HAPLN1: variants seen among roughly 807,000 people sequenced by gnomAD.
HAPLN1 encodes hyaluronan and proteoglycan link protein 1, also known as Cartilage link protein.
HAPLN1 carries 13 observed loss-of-function variants against 36.5 expected under a neutral mutation model. The observed-to-expected ratio is 0.36, with a 90% CI of 0.23 to 0.57. The LOEUF (loss-of-function observed/expected upper bound fraction) is 0.57. HAPLN1 is among the 20% of genes least tolerant of loss of function. The pLI, the probability that HAPLN1 is intolerant of heterozygous loss-of-function variation, is 0.83. For missense variants in HAPLN1, 407 were observed against 439.7 expected, an observed-to-expected ratio of 0.93 and a Z score of 0.66; for synonymous variants, 202 against 169.8, an observed-to-expected ratio of 1.19 and a Z score of -1.48.
chr5:83,668,793 G>A (rs1750623266), intron 2 of HAPLN1, among the ~76,000 whole-genome samples: 1 of 152,198 alleles, frequency 6.6e-6, no homozygotes, highest in South Asian at 2.1e-4. Flanking sequence ...AATCTGATGA[G>A]GGAGGGAGGC....
At chr5:83,700,729 G>T (rs1751489780) in intron 1 of HAPLN1, among the ~76,000 whole-genome samples, 1 of 147,550 alleles carries the variant, frequency 6.8e-6, no homozygotes, top group African/African-American at 2.5e-5. Flanking sequence ...TTCAATTTTT[G>T]CTATGATCTA....
At chr5:83,673,667 A>G in intron 1 of HAPLN1, 118 bp from the exon 2 acceptor site, 1 of 646,202 alleles carries the variant, frequency 1.5e-6, no homozygotes. Context: ...TATTTAACCC[A>G]ATCTGTTCAG....
At position 83,711,420 on chromosome 5, in the gene HAPLN1, G is replaced by A. The variant is rs188520146; in HGVS notation, c.-27+9369C>T. On this transcript the variant is annotated intron_variant, in intron 1 of 4. Coordinates refer to ENST00000274341, the MANE Select transcript of HAPLN1 (RefSeq NM_001884.4). Reference sequence around the variant, plus strand: ...GGAGCAAGTGTGGAGGACGGGGGCAGTTAGATTCATCATGAAAAAAGATTT... The same window carrying A: ...GGAGCAAGTGTGGAGGACGGGGGCAATTAGATTCATCATGAAAAAAGATTT... 3.8e-4 allele frequency among the ~76,000 whole-genome samples: 58 copies of A among 152,308 alleles called. No homozygotes were observed. In the East Asian group the frequency reaches 8.3e-3, roughly 22 times the overall value.
intron 1 of HAPLN1, among the ~76,000 whole-genome samples, chr5:83,699,341 T>A (rs374463972): frequency 3.9e-5 from 6 of 152,358 alleles, no homozygotes; most frequent in African/African-American, 1.4e-4. Context: ...GAATGACGCC[T>A]TCCAGCAAAG....
chr5:83,713,837 T>G (rs889036777), intron 1 of HAPLN1, among the ~76,000 whole-genome samples: 1 of 152,252 alleles, frequency 6.6e-6, no homozygotes, highest in Non-Finnish European at 1.5e-5. Flanking sequence ...TACGCTGTTT[T>G]GATGACCTCT....
Position 83,691,204 on chromosome 5 carries a change from G to A in HAPLN1, c.-26-17655C>T, listed in dbSNP as rs375839966. The stretch of plus-strand genomic sequence containing the variant: ...CCTGTTCAAAAACTTGAGCTGAGGC[G>A]TTGAGAGCCAAGAGTTCTGAAAATT... On this transcript the variant is annotated intron_variant, in intron 1 of 4. Transcript: ENST00000274341. Among the ~76,000 whole-genome samples, 25 of 152,132 alleles carry A rather than the reference G, an allele frequency of 1.6e-4. No individual in the cohort carries two copies. In the South Asian group the frequency reaches 2.3e-3, roughly 14 times the overall value.
At chr5:83,686,246 G>A (rs932437444) in intron 1 of HAPLN1, among the ~76,000 whole-genome samples, 3 of 150,580 alleles carry the variant, frequency 2.0e-5, no homozygotes, top group Admixed American at 6.6e-5. Flanking sequence ...AATTGTGCCC[G>A]TTGATCCACT....
In HAPLN1 at chr5:83,673,516, C is replaced by T. The variant is rs772448036; in HGVS notation, c.8G>A (p.Ser3Asn). 1.2e-6 allele frequency: 2 copies of T among 1,610,676 alleles called. No homozygotes were observed. Among genetic ancestry groups the T allele is most frequent in the Admixed American group, 1.7e-5 (1 of 59,902 alleles). The change falls in exon 2 of 5, where the codon AGT (serine) becomes AAT (asparagine). Residue 3 changes from serine to asparagine, a missense_variant. Physicochemically the swap from Ser to Asn is conservative, Grantham distance 46. Coordinates refer to ENST00000274341, the MANE Select transcript of HAPLN1 (RefSeq NM_001884.4). ...TGAAATCAGCACCAGAAGAAGTAGA[C>T]TCTTCATCTTTATAGCCCAAAGAAT... MK[S>N]LLLLVLISIC...
In HAPLN1 at chr5:83,649,354, T is replaced by A. The variant is rs191006134; in HGVS notation, c.472+3099A>T. On this transcript the variant is annotated intron_variant, in intron 3 of 4. Transcript: ENST00000274341. ...TTTTGCTTTGAGTAATTTCTCTCTC[T>A]TATCTATGATGCCCTCTCTCCTGCT... Among the ~76,000 whole-genome samples the A allele has an allele frequency of 1.8e-4, 27 of 152,320 alleles. No individual in the cohort carries two copies. The East Asian group carries it at 5.2e-3, about 29-fold the overall frequency.
chr5:83,659,094 T>C (rs998443966), intron 2 of HAPLN1, among the ~76,000 whole-genome samples: 27 of 151,966 alleles, frequency 1.8e-4, no homozygotes, highest in Admixed American at 1.4e-3. Flanking sequence ...GCCAACATGG[T>C]GAAACCCCGT....
chr5:83,652,165 TG>T (rs1750081429), intron 3 of HAPLN1: 1 of 376,400 alleles, frequency 2.7e-6, no homozygotes, highest in South Asian at 1.4e-4. Context: ...GGAATTTAGA[TG>T]ATTTTGAATA....
At chr5:83,673,633 CA>C (rs1750788211) in intron 1 of HAPLN1, 84 bp from the exon 2 acceptor site, 6 of 765,710 alleles carry the variant, frequency 7.8e-6, no homozygotes, top group Non-Finnish European at 1.3e-5. Flanking sequence ...ACCGCCTTAT[CA>C]TCATAGAATG....
chr5:83,701,900 T>G (rs1751515305), intron 1 of HAPLN1, among the ~76,000 whole-genome samples: 2 of 151,006 alleles, frequency 1.3e-5, no homozygotes, highest in Non-Finnish European at 2.9e-5. Context: ...CTCTCCACCT[T>G]GGGCGACAGA....
intron 1 of HAPLN1, among the ~76,000 whole-genome samples, chr5:83,696,723 A>G (rs1751394652): frequency 6.6e-6 from 1 of 152,156 alleles, no homozygotes; most frequent in Admixed American, 6.5e-5. Flanking sequence ...CATTTGATAG[A>G]CAAAAATTTG....
At chr5:83,673,135 G>A (rs1750770757) in intron 2 of HAPLN1, among the ~76,000 whole-genome samples, 1 of 151,874 alleles carries the variant, frequency 6.6e-6, no homozygotes, top group Non-Finnish European at 1.5e-5. Flanking sequence ...TGAACTTTAT[G>A]GCCTCCATTT....
rs546936132 is a variant in HAPLN1 at position 83,662,100 on chromosome 5, G to A, written c.101-9276C>T. Among the ~76,000 whole-genome samples the A allele has an allele frequency of 2.6e-5, 4 of 152,024 alleles. No individual in the cohort carries two copies. In the South Asian group the frequency reaches 8.3e-4, roughly 32 times the overall value. On this transcript the variant is annotated intron_variant, in intron 2 of 4. Transcript: ENST00000274341. ...CTATTTTTAGTAGAGATGGGGTTTT[G>A]CCATGTTGGCCAGGCTGGTCTTGTA...
At chr5:83,647,086 G>A (rs1340275392) in intron 3 of HAPLN1, among the ~76,000 whole-genome samples, 2 of 152,138 alleles carry the variant, frequency 1.3e-5, no homozygotes, top group African/African-American at 4.8e-5. Context: ...GTGTATTTTG[G>A]TGGACTCTCA....
At chr5:83,649,474 A>G (rs1749986644) in intron 3 of HAPLN1, among the ~76,000 whole-genome samples, 1 of 151,836 alleles carries the variant, frequency 6.6e-6, no homozygotes, top group African/African-American at 2.4e-5. Context: ...TTTGAGACGG[A>G]GTCTCGCTCT....
At chr5:83,648,225 CGT>C (rs796367369) in intron 3 of HAPLN1, among the ~76,000 whole-genome samples, 4 of 151,240 alleles carry the variant, frequency 2.6e-5, no homozygotes, top group African/African-American at 9.7e-5. Context: ...ATGAAAATGC[CGT>C]GTTTCCATAT....
Sources: allele counts gnomAD v4.1 joint callset (sites outside exome capture counted in the v4.1 genomes callset), GRCh38; gene constraint gnomAD v4.1.1; transcripts MANE v1.5; gene names NCBI Gene and HGNC (gene_info 2026-07-23, HGNC 2026-07-21).